PDGFC: variants seen among roughly 807,000 people sequenced by gnomAD.
PDGFC encodes the protein platelet-derived growth factor C.
Under a neutral mutation model 35.5 loss-of-function variants are expected in PDGFC, and 12 were observed. That is an observed-to-expected ratio of 0.34 (90% CI 0.22 to 0.55). The LOEUF is 0.55. PDGFC is among the 20% of genes least tolerant of loss of function. The probability of loss-of-function intolerance (pLI) is 0.91; values close to 1 mark genes in which losing one functional copy is unlikely to be tolerated. For synonymous variants in PDGFC, 159 were observed against 148.8 expected (o/e 1.07, Z -0.50); for missense variants, 322 against 412.4 (o/e 0.78, Z 1.90).
chr4:156,896,750 A>G (rs1404851943), intron 1 of PDGFC, among the ~76,000 whole-genome samples: 1 of 152,218 alleles, frequency 6.6e-6, no homozygotes, highest in African/African-American at 2.4e-5. Flanking sequence ...AAGGGGATAG[A>G]GGGTAGGAAG....
At chr4:156,863,262 A>C (rs1729760592) in intron 1 of PDGFC, among the ~76,000 whole-genome samples, 1 of 152,198 alleles carries the variant, frequency 6.6e-6, no homozygotes, top group South Asian at 2.1e-4. Context: ...AAAACTGGAC[A>C]CTATAATTTT....
At chr4:156,870,853 T>C (rs758946293) in intron 1 of PDGFC, among the ~76,000 whole-genome samples, 1 of 152,140 alleles carries the variant, frequency 6.6e-6, no homozygotes, top group African/African-American at 2.4e-5. Flanking sequence ...TGTCTTGCTA[T>C]AGTTAGAGGA....
chr4:156,949,359 C>T (rs1045860327), intron 1 of PDGFC, among the ~76,000 whole-genome samples: 4 of 148,424 alleles, frequency 2.7e-5, no homozygotes, highest in African/African-American at 7.4e-5. Flanking sequence ...CTAATGTGTA[C>T]TTTTTTTTTT....
chr4:156,792,109 G>A (rs2110884389), intron 3 of PDGFC, among the ~76,000 whole-genome samples: 1 of 152,286 alleles, frequency 6.6e-6, no homozygotes, highest in East Asian at 1.9e-4. Context: ...TAGGATCTTT[G>A]TCTGCTTAAA....
At chr4:156,806,267 C>A (rs1247105225) in intron 3 of PDGFC, among the ~76,000 whole-genome samples, 2 of 151,948 alleles carry the variant, frequency 1.3e-5, no homozygotes, top group Non-Finnish European at 2.9e-5. Flanking sequence ...CCCAGCTTAT[C>A]AGGCAAAGAA....
At chr4:156,940,330 T>C (rs1731775978) in intron 1 of PDGFC, among the ~76,000 whole-genome samples, 1 of 152,070 alleles carries the variant, frequency 6.6e-6, no homozygotes, top group Admixed American at 6.6e-5. Context: ...TATTATTAAA[T>C]AGTAAAGTAA....
chr4:156,811,874 T>A (rs1474052978), intron 2 of PDGFC, among the ~76,000 whole-genome samples: 1 of 152,000 alleles, frequency 6.6e-6, no homozygotes, highest in Non-Finnish European at 1.5e-5. Flanking sequence ...GATTGAAATG[T>A]AGCAGGCAAG....
intron 1 of PDGFC, among the ~76,000 whole-genome samples, chr4:156,937,459 G>A (rs770492666): frequency 3.8e-4 from 58 of 152,104 alleles, no homozygotes; most frequent in Non-Finnish European, 1.0e-4. Flanking sequence ...CAGCAATTTG[G>A]GAGGCTGAGG....
rs1425782034 is a variant in PDGFC, at chr4:156,760,480, A to G, written c.*2610T>C. 1 of 152,260 alleles carries G rather than the reference A, an allele frequency of 6.6e-6. No homozygotes were observed. The highest frequency in any genetic ancestry group is 1.5e-5 in the Non-Finnish European group (1 of 68,052). 9.4% of individuals were successfully genotyped at this position (152,260 alleles called of 1,614,324 possible). A position where few individuals can be genotyped will look rare whatever the true frequency, so the allele number is the denominator to read the frequency against. The stretch of plus-strand genomic sequence containing the variant: ...GACATTTAAGGCTTGCTTTTATTTT[A>G]GTAAACATCACTGGGCAAAACAGCC... On this transcript the variant is annotated 3_prime_UTR_variant, in exon 6 of 6. Coordinates refer to ENST00000502773, the MANE Select transcript of PDGFC (RefSeq NM_016205.3).
intron 1 of PDGFC, among the ~76,000 whole-genome samples, chr4:156,943,001 T>C (rs1731846033): frequency 6.6e-6 from 1 of 152,058 alleles, no homozygotes; most frequent in African/African-American, 2.4e-5. Flanking sequence ...TTAGTAGTCA[T>C]TTAATCTGAT....
chr4:156,904,694 C>A (rs1229835766), intron 1 of PDGFC, among the ~76,000 whole-genome samples: 1 of 152,024 alleles, frequency 6.6e-6, no homozygotes, highest in African/African-American at 2.4e-5. Context: ...TCAAATGTAC[C>A]TCCTCAGCAA....
rs573733589 is a variant in PDGFC, at chr4:156,934,128, T to C, written c.118+36658A>G. On this transcript the variant is annotated intron_variant, in intron 1 of 5. Coordinates refer to ENST00000502773, the MANE Select transcript of PDGFC (RefSeq NM_016205.3). ...ATACAGTCATGAGTCACTTAACAAC[T>C]GGGATATATTCTGAGAAATGTGTCT... Among the ~76,000 whole-genome samples, 113 of 152,334 alleles carry C rather than the reference T, an allele frequency of 7.4e-4. 1 individual carries two copies. Among genetic ancestry groups the C allele is most frequent in the African/African-American group, 2.5e-3 (103 of 41,568 alleles).
At chr4:156,834,669 G>C (rs1167715560) in intron 2 of PDGFC, among the ~76,000 whole-genome samples, 1 of 152,146 alleles carries the variant, frequency 6.6e-6, no homozygotes, top group Non-Finnish European at 1.5e-5. Context: ...TCTCTCAGCA[G>C]ACAGAAAGAA....
intron 4 of PDGFC, among the ~76,000 whole-genome samples, chr4:156,772,360 T>G (rs1450927198): frequency 6.6e-6 from 1 of 152,152 alleles, no homozygotes; most frequent in Non-Finnish European, 1.5e-5. Context: ...AATCAACATA[T>G]TCCAAGTATT....
chr4:156,940,254 C>A (rs1731774721), intron 1 of PDGFC, among the ~76,000 whole-genome samples: 1 of 151,996 alleles, frequency 6.6e-6, no homozygotes, highest in Admixed American at 6.6e-5. Flanking sequence ...TGAAAAAGTT[C>A]AAAAATTACA....
rs1241876975 is a variant in PDGFC, at chr4:156,762,080, A to G, written c.*1010T>C. 1 of 152,670 alleles carries G rather than the reference A, an allele frequency of 6.6e-6. No homozygotes were observed. The highest frequency in any genetic ancestry group is 1.5e-5 in the Non-Finnish European group (1 of 68,038). The allele number at this position is 152,670 out of a possible 1,614,324, so 9.5% of individuals were successfully genotyped here. On this transcript the variant is annotated 3_prime_UTR_variant, in exon 6 of 6. Coordinates refer to ENST00000502773, the MANE Select transcript of PDGFC (RefSeq NM_016205.3). ...AGATATGATAATTTAATTATTTTCA[A>G]AAAGTCTTTGCAACTTACCAATTCT...
chr4:156,843,453 T>C (rs1729252725), intron 2 of PDGFC, among the ~76,000 whole-genome samples: 1 of 152,204 alleles, frequency 6.6e-6, no homozygotes, highest in South Asian at 2.1e-4. Flanking sequence ...AAAGCAAGTC[T>C]TGGGGATATG....
intron 1 of PDGFC, among the ~76,000 whole-genome samples, chr4:156,901,500 G>A (rs36039543): frequency 0.57 from 86,449 of 151,858 alleles, 24,848 homozygotes; most frequent in Admixed American, 0.63. Flanking sequence ...TACAGCAATG[G>A]GAAATGAAAT....
At chr4:156,888,548 A>C (rs1464014785) in intron 1 of PDGFC, among the ~76,000 whole-genome samples, 1 of 152,270 alleles carries the variant, frequency 6.6e-6, no homozygotes, top group East Asian at 1.9e-4. Context: ...TTATCAAGAA[A>C]TCTTTCTTGA....
Sources: gnomAD v4.1 joint callset for allele counts (sites outside exome capture counted in the v4.1 genomes callset) on GRCh38, gnomAD v4.1.1 for gene constraint, MANE v1.5 for transcripts, NCBI Gene and HGNC (gene_info 2026-07-23, HGNC 2026-07-21) for gene names.